MORN1: variants seen among roughly 807,000 people sequenced by gnomAD.
The protein encoded by MORN1 is MORN repeat containing 1.
MORN1 carries 67 observed loss-of-function variants against 61.9 expected under a neutral mutation model. The observed-to-expected ratio is 1.08, with a 90% CI of 0.89 to 1.33. MORN1 has a LOEUF of 1.33. Ranked by LOEUF, MORN1 falls within the 40% of genes most tolerant of loss-of-function variation. The probability of loss-of-function intolerance (pLI) is 0.00; values close to 1 mark genes in which losing one functional copy is unlikely to be tolerated. For synonymous variants in MORN1, 301 were observed against 292.0 expected, an observed-to-expected ratio of 1.03 and a Z score of -0.31; for missense variants, 752 against 691.2, an observed-to-expected ratio of 1.09 and a Z score of -0.99.
intron 8 of MORN1, among the ~76,000 whole-genome samples, chr1:2,366,746 G>A (rs1307177729): frequency 3.9e-5 from 6 of 152,094 alleles, no homozygotes; most frequent in Non-Finnish European, 8.8e-5. Flanking sequence ...ATGTTGGCCA[G>A]GCTGGTCTCA....
intron 13 of MORN1, chr1:2,322,655 C>T (rs530479683): frequency 3.0e-6 from 3 of 985,472 alleles, no homozygotes; most frequent in East Asian, 2.3e-4. Flanking sequence ...GGACAGCCTC[C>T]CTGGCGGGCG....
intron 7 of MORN1, among the ~76,000 whole-genome samples, chr1:2,373,626 C>T (rs1182407725): frequency 6.6e-6 from 1 of 152,152 alleles, no homozygotes; most frequent in Non-Finnish European, 1.5e-5. Flanking sequence ...TGGGCCGGGA[C>T]CCAGGCTCGG....
chr1:2,370,076 A>G (rs562102518), intron 8 of MORN1, among the ~76,000 whole-genome samples: 16 of 152,372 alleles, frequency 1.1e-4, no homozygotes, highest in African/African-American at 3.4e-4. Context: ...GGACTCTCCA[A>G]TTGGAAAACG....
chr1:2,385,728 C>T (rs959502809), intron 5 of MORN1, 79 bp downstream of exon 5: 12 of 1,357,248 alleles, frequency 8.8e-6, no homozygotes, highest in East Asian at 2.3e-5. Context: ...GTCCTGTCTA[C>T]ACCCCCAGGC....
At chr1:2,389,113 C>CAAAA (rs549291051) in intron 2 of MORN1, among the ~76,000 whole-genome samples, 6 of 112,994 alleles carry the variant, frequency 5.3e-5, no homozygotes, top group South Asian at 2.9e-4. Context: ...ACTCTGTCTC[C>CAAAA]AAAAAAAAAA....
chr1:2,386,079 CG>C, intron 4 of MORN1, 182 bp from the exon 5 acceptor site: 1 of 601,174 alleles, frequency 1.7e-6, no homozygotes, highest in Non-Finnish European at 3.0e-6. Context: ...GGCCTCAGCA[CG>C]GCTCGGTGAG....
intron 5 of MORN1, 142 bp from the exon 6 acceptor site, chr1:2,385,207 C>G: frequency 2.4e-6 from 2 of 817,948 alleles, no homozygotes; most frequent in Non-Finnish European, 3.8e-6. Flanking sequence ...CCCAAGAGCT[C>G]CTGCCTCGCC....
At chr1:2,356,893 C>T (rs1641782689) in intron 10 of MORN1, among the ~76,000 whole-genome samples, 1 of 152,186 alleles carries the variant, frequency 6.6e-6, no homozygotes, top group African/African-American at 2.4e-5. Flanking sequence ...TCTCACTGGC[C>T]CCAGCCTTGG....
At chr1:2,336,149 C>T (rs931394378) in intron 12 of MORN1, among the ~76,000 whole-genome samples, 4 of 152,222 alleles carry the variant, frequency 2.6e-5, no homozygotes, top group East Asian at 1.9e-4. Flanking sequence ...TGAGAGGCCC[C>T]GCACCCCTCC....
At chr1:2,356,793 A>AAT (rs1641780755) in intron 10 of MORN1, among the ~76,000 whole-genome samples, 1 of 152,180 alleles carries the variant, frequency 6.6e-6, no homozygotes, top group African/African-American at 2.4e-5. Context: ...TGCTCGCTGC[A>AAT]CCGGAGGGAT....
At chr1:2,343,988 G>A (rs1316511781) in intron 10 of MORN1, among the ~76,000 whole-genome samples, 9 of 151,840 alleles carry the variant, frequency 5.9e-5, no homozygotes, top group Admixed American at 2.6e-4. Context: ...CTGGGGCCAG[G>A]GGCAGGGTGG....
At chr1:2,367,456 C>A (rs372342831) in intron 8 of MORN1, among the ~76,000 whole-genome samples, 24 of 144,098 alleles carry the variant, frequency 1.7e-4, no homozygotes, top group African/African-American at 1.8e-4. Context: ...TCTGTCTCTA[C>A]AAAAAAAAAA....
At chr1:2,365,677 T>A (rs1641982753) in intron 8 of MORN1, among the ~76,000 whole-genome samples, 1 of 152,014 alleles carries the variant, frequency 6.6e-6, no homozygotes, top group African/African-American at 2.4e-5. Flanking sequence ...CCATTCAGTA[T>A]GATATTGGCT....
At chr1:2,335,085 A>G (rs1418011699) in intron 12 of MORN1, among the ~76,000 whole-genome samples, 2 of 152,214 alleles carry the variant, frequency 1.3e-5, no homozygotes, top group Non-Finnish European at 2.9e-5. Flanking sequence ...TGAGTTTCAT[A>G]TTTAATTCAC....
chr1:2,335,846 C>CCCAGCCCAGCGCA (rs370659459), intron 12 of MORN1, among the ~76,000 whole-genome samples: 1 of 149,930 alleles, frequency 6.7e-6, no homozygotes, highest in African/African-American at 2.5e-5. Flanking sequence ...CCCAGCCCAG[C>CCCAGCCCAGCGCA]GCGCAGCTGC....
At chr1:2,333,792 C>A (rs1224926638) in intron 12 of MORN1, among the ~76,000 whole-genome samples, 1 of 152,246 alleles carries the variant, frequency 6.6e-6, no homozygotes, top group Non-Finnish European at 1.5e-5. Flanking sequence ...GGCTGAGGAC[C>A]CTGCCTGGAA....
chr1:2,337,362 C>T lies in MORN1; in HGVS notation c.1037-512G>A, dbSNP rs1367477124. 2.0e-5 allele frequency among the ~76,000 whole-genome samples: 3 copies of T among 152,172 alleles called. No individual in the cohort carries two copies. The highest frequency in any genetic ancestry group is 4.4e-5 in the Non-Finnish European group (3 of 68,024). ...TGGAGGGAGACACCGAGGGTGGCTG[C>T]GAGTCCCTCCACGTGGCGGCAGACC... On this transcript the variant is annotated intron_variant, in intron 10 of 13. Coordinates refer to ENST00000378531, the MANE Select transcript of MORN1 (RefSeq NM_024848.3). This position sits in a 1 kb window ranked among gnomAD's most constrained non-coding sequence, Gnocchi z 5.7.
intron 6 of MORN1, among the ~76,000 whole-genome samples, chr1:2,383,169 CCT>C (rs1642410705): frequency 6.6e-6 from 1 of 152,236 alleles, no homozygotes; most frequent in Non-Finnish European, 1.5e-5. Context: ...GGAACTGGAC[CCT>C]GTCAACGTTT....
chr1:2,370,162 G>C (rs915863989), intron 8 of MORN1, among the ~76,000 whole-genome samples: 1 of 152,238 alleles, frequency 6.6e-6, no homozygotes, highest in Non-Finnish European at 1.5e-5. Flanking sequence ...CAGATCAGTG[G>C]AGCAGACGGG....
Sources: gnomAD v4.1 joint callset for allele counts (sites outside exome capture counted in the v4.1 genomes callset) on GRCh38, gnomAD v4.1.1 for gene constraint, Gnocchi (gnomAD v3.1) non-coding constraint, MANE v1.5 for transcripts, NCBI Gene and HGNC (gene_info 2026-07-23, HGNC 2026-07-21) for gene names.